LOC400499: variants seen among roughly 807,000 people sequenced by gnomAD.
the LOC400499 span, among the ~76,000 whole-genome samples, chr16:11,509,871 C>A: frequency 6.5e-3 from 995 of 152,206 alleles, 12 homozygotes; most frequent in African/African-American, 0.023. Context: ...ACCACCCAAA[C>A]AGACACAGTT....
the LOC400499 span, among the ~76,000 whole-genome samples, chr16:11,394,552 C>T: frequency 6.6e-6 from 1 of 152,186 alleles, no homozygotes; most frequent in African/African-American, 2.4e-5. Flanking sequence ...GAATTTTGTT[C>T]CTCAGATAGG....
At chr16:11,387,146 C>T in the LOC400499 span, 4 of 1,232,248 alleles carry the variant, frequency 3.2e-6, no homozygotes, top group African/African-American at 3.1e-5. Context: ...GCGTCTGAGC[C>T]AGTAGTACTC....
At chr16:11,482,819 C>A in the LOC400499 span, among the ~76,000 whole-genome samples, 1 of 150,800 alleles carries the variant, frequency 6.6e-6, no homozygotes, top group African/African-American at 2.4e-5. Flanking sequence ...TTGAGCCCAG[C>A]AGGTCAAGGT....
the LOC400499 span, among the ~76,000 whole-genome samples, chr16:11,503,017 G>A: frequency 2.0e-5 from 3 of 146,720 alleles, no homozygotes; most frequent in Admixed American, 7.2e-5. Context: ...AACCTCCTGG[G>A]CTCCAGCGAT....
chr16:11,418,649 T>TCC, the LOC400499 span, among the ~76,000 whole-genome samples: 1 of 152,172 alleles, frequency 6.6e-6, no homozygotes, highest in Non-Finnish European at 1.5e-5. Flanking sequence ...CCAAGAACCC[T>TCC]CCCTTGCGGT....
the LOC400499 span, chr16:11,462,355 G>C: frequency 7.1e-7 from 1 of 1,416,104 alleles, no homozygotes; most frequent in East Asian, 2.6e-5. Flanking sequence ...AGCAGGCCCA[G>C]CCCTTACCAC....
At chr16:11,457,057 C>A in the LOC400499 span, 15 of 1,501,122 alleles carry the variant, frequency 1.0e-5, no homozygotes, top group Admixed American at 4.2e-5. Context: ...ATGCCCACCC[C>A]CCCAAGATGC....
At chr16:11,452,667 C>T in the LOC400499 span, among the ~76,000 whole-genome samples, 1 of 152,144 alleles carries the variant, frequency 6.6e-6, no homozygotes, top group African/African-American at 2.4e-5. Context: ...TGTGTAGAGT[C>T]TTTCCATGAG....
the LOC400499 span, among the ~76,000 whole-genome samples, chr16:11,426,756 C>A: frequency 6.6e-6 from 1 of 150,794 alleles, no homozygotes; most frequent in African/African-American, 2.4e-5. Flanking sequence ...AAGGGAGACC[C>A]CACCTCTAAA....
At chr16:11,400,897 G>A in the LOC400499 span, among the ~76,000 whole-genome samples, 10 of 152,094 alleles carry the variant, frequency 6.6e-5, no homozygotes, top group Non-Finnish European at 2.9e-5. Context: ...AGAGGCGATA[G>A]GACACACCCG....
At chr16:11,392,731 G>A in the LOC400499 span, 1 of 974,118 alleles carries the variant, frequency 1.0e-6, no homozygotes, top group South Asian at 4.7e-5. Flanking sequence ...GCTTCAGGGG[G>A]TTTCCTGAGG....
chr16:11,488,992 C>T, the LOC400499 span: 1 of 396,086 alleles, frequency 2.5e-6, no homozygotes, highest in African/African-American at 2.1e-5. Flanking sequence ...GGGGGCTTCT[C>T]AGGAGTCTGG....
chr16:11,482,358 G>C, the LOC400499 span, among the ~76,000 whole-genome samples: 6 of 152,182 alleles, frequency 3.9e-5, no homozygotes, highest in South Asian at 2.1e-4. Context: ...AGAGATGAGA[G>C]AGCTGAACAG....
At chr16:11,491,870 T>C in the LOC400499 span, 5 of 398,798 alleles carry the variant, frequency 1.3e-5, no homozygotes, top group South Asian at 2.5e-4. Flanking sequence ...AGGAAAGCCA[T>C]CACCCAAGGC....
chr16:11,425,915 A>G, the LOC400499 span, among the ~76,000 whole-genome samples: 7 of 152,208 alleles, frequency 4.6e-5, 1 homozygote, highest in Admixed American at 3.3e-4. Context: ...TTACAGCCCA[A>G]TAGAGCTATG....
chr16:11,436,475 C>T, the LOC400499 span, among the ~76,000 whole-genome samples: 8 of 152,300 alleles, frequency 5.3e-5, no homozygotes, highest in East Asian at 3.9e-4. Flanking sequence ...TCCCAAGGGA[C>T]GTGAGCCTAT....
the LOC400499 span, chr16:11,493,649 C>A: frequency 7.6e-6 from 3 of 397,196 alleles, no homozygotes; most frequent in Non-Finnish European, 1.3e-5. Context: ...CTCACGTCTG[C>A]AGAGCAGGGG....
chr16:11,478,990 T>C, the LOC400499 span, among the ~76,000 whole-genome samples: 1 of 152,220 alleles, frequency 6.6e-6, no homozygotes, highest in African/African-American at 2.4e-5. Flanking sequence ...CACCATGATT[T>C]TGAAGCCTCC....
At chr16:11,494,744 G>A in the LOC400499 span, 154 of 399,126 alleles carry the variant, frequency 3.9e-4, no homozygotes, top group African/African-American at 2.9e-3. Flanking sequence ...GCTGGCCCTC[G>A]GGGTCTGGAG....
Sources: gnomAD v4.1 joint callset for allele counts (sites outside exome capture counted in the v4.1 genomes callset) on GRCh38, gnomAD v4.1.1 for gene constraint, MANE v1.5 for transcripts.